FAR1: variants seen among roughly 807,000 people sequenced by gnomAD.
FAR1 encodes the protein male sterility domain-containing protein 2.
In FAR1, 22 loss-of-function variants were observed where a neutral mutation model predicts 61.1. The ratio of observed to expected loss-of-function variants is 0.36; its 90% confidence interval spans 0.26 to 0.51. FAR1 has a LOEUF of 0.51. Among genes scored for constraint, FAR1 ranks in the 20% least tolerant of loss-of-function variants. The probability of loss-of-function intolerance (pLI) is 0.95; values close to 1 mark genes in which losing one functional copy is unlikely to be tolerated. For missense variants in FAR1, 359 were observed against 626.9 expected (o/e 0.57, Z 4.56); for synonymous variants, 206 against 209.7 (o/e 0.98, Z 0.15).
chr11:13,684,855 C>T (rs1051242993), intron 1 of FAR1, among the ~76,000 whole-genome samples: 1 of 152,160 alleles, frequency 6.6e-6, no homozygotes, highest in Non-Finnish European at 1.5e-5. Flanking sequence ...TATTTTCAAA[C>T]TGAAGTGATC....
chr11:13,688,913 G>A (rs530811361), intron 1 of FAR1, among the ~76,000 whole-genome samples: 12 of 152,214 alleles, frequency 7.9e-5, no homozygotes, highest in Middle Eastern at 3.4e-3. Context: ...CTCTGTCTCA[G>A]CCTTCAAGAG....
intron 1 of FAR1, among the ~76,000 whole-genome samples, chr11:13,690,981 T>G (rs1430607719): frequency 6.6e-6 from 1 of 152,196 alleles, no homozygotes; most frequent in Non-Finnish European, 1.5e-5. Flanking sequence ...TGAGATGAGA[T>G]TCACATAATA....
chr11:13,723,786 GAC>G (rs2134201156), intron 10 of FAR1, among the ~76,000 whole-genome samples: 1 of 152,228 alleles, frequency 6.6e-6, no homozygotes, highest in South Asian at 2.1e-4. Flanking sequence ...AAGATTCTGT[GAC>G]AGTCTGCCAG....
At chr11:13,701,949 C>T (rs1220393240) in intron 3 of FAR1, among the ~76,000 whole-genome samples, 2 of 152,208 alleles carry the variant, frequency 1.3e-5, no homozygotes, top group East Asian at 1.9e-4. Context: ...AGTTATTAAC[C>T]GCCTTAAGCC....
chr11:13,672,383 C>A (rs1247671599), intron 1 of FAR1, among the ~76,000 whole-genome samples: 2 of 135,910 alleles, frequency 1.5e-5, no homozygotes, highest in Admixed American at 1.5e-4. Context: ...AACCCCTTTT[C>A]TATCCAAAAA....
intron 9 of FAR1, chr11:13,720,480 T>C (rs1368943638): frequency 1.3e-5 from 2 of 152,158 alleles, no homozygotes; most frequent in African/African-American, 4.8e-5. Flanking sequence ...TGCTTGATAA[T>C]TCGTTTTGTG....
At chr11:13,728,304 C>T (rs1245876489) in intron 11 of FAR1, among the ~76,000 whole-genome samples, 1 of 151,734 alleles carries the variant, frequency 6.6e-6, no homozygotes, top group Non-Finnish European at 1.5e-5. Context: ...GTGACTGTCA[C>T]CTGTAACTGA....
At chr11:13,695,104 A>C in intron 2 of FAR1, 150 bp downstream of exon 2, 1 of 610,862 alleles carries the variant, frequency 1.6e-6, no homozygotes, top group South Asian at 4.6e-5. Context: ...ACAGGATGGC[A>C]AGAAACTGGA....
chr11:13,694,519 A>G (rs1848288015), intron 1 of FAR1, among the ~76,000 whole-genome samples: 1 of 152,194 alleles, frequency 6.6e-6, no homozygotes, highest in Admixed American at 6.5e-5. Flanking sequence ...AGTCCAGAGA[A>G]CGTGAGTGAC....
chr11:13,709,260 A>T (rs986775462), intron 4 of FAR1, among the ~76,000 whole-genome samples: 1 of 152,204 alleles, frequency 6.6e-6, no homozygotes, highest in Non-Finnish European at 1.5e-5. Context: ...TGTAAAAAAA[A>T]TGAGAAATTA....
rs182442560 is a variant in FAR1, at chr11:13,720,374, A to G, written c.1128-1356A>G. 3.3e-5 allele frequency: 5 copies of G among 152,298 alleles called. No individual in the cohort carries two copies. The East Asian group carries it at 9.6e-4, about 29-fold the overall frequency. 9.4% of individuals were successfully genotyped at this position (152,298 alleles called of 1,614,324 possible). ...ACTTGTTGTATCTTTTTGTTTAGAA[A>G]AAAATAATCACCTAATCTTTTCTAA... On this transcript the variant is annotated intron_variant, in intron 9 of 11. Coordinates refer to ENST00000354817, the MANE Select transcript of FAR1 (RefSeq NM_032228.6).
chr11:13,719,508 T>C (rs1012346519), intron 9 of FAR1, among the ~76,000 whole-genome samples: 1 of 152,220 alleles, frequency 6.6e-6, no homozygotes, highest in African/African-American at 2.4e-5. Flanking sequence ...TCATCCAGTT[T>C]ACTTGTTTAC....
In FAR1 at chr11:13,713,039, AT is replaced by A; in HGVS notation, c.955+10del. ...TTTCCACTGGGGTGAAGTTGGTATG[AT>A]TTTACCTGTGTTTTTGAATGTTAGA... On this transcript the variant is annotated splice_region_variant and intron_variant, in intron 8 of 11. Coordinates refer to ENST00000354817, the MANE Select transcript of FAR1 (RefSeq NM_032228.6). 1 of 1,610,438 alleles carries A rather than the reference AT, an allele frequency of 6.2e-7. No individual in the cohort carries two copies. Among genetic ancestry groups the A allele is most frequent in the Non-Finnish European group, 8.5e-7 (1 of 1,176,852 alleles).
At chr11:13,672,302 CAAATTT>C (rs1848013923) in intron 1 of FAR1, among the ~76,000 whole-genome samples, 1 of 149,418 alleles carries the variant, frequency 6.7e-6, no homozygotes, top group Non-Finnish European at 1.5e-5. Flanking sequence ...TTAGTTTTTT[CAAATTT>C]AAAAAAATGA....
intron 4 of FAR1, among the ~76,000 whole-genome samples, chr11:13,709,745 A>G (rs994351333): frequency 1.3e-5 from 2 of 152,086 alleles, no homozygotes; most frequent in African/African-American, 2.4e-5. Context: ...TTCATATACA[A>G]AAAGTACTTC....
At chr11:13,707,500 C>T (rs933587084) in intron 3 of FAR1, among the ~76,000 whole-genome samples, 4 of 152,088 alleles carry the variant, frequency 2.6e-5, no homozygotes, top group Non-Finnish European at 4.4e-5. Flanking sequence ...TTTAAAATTA[C>T]TTAACCATTC....
At chr11:13,702,364 T>TA (rs1478068466) in intron 3 of FAR1, among the ~76,000 whole-genome samples, 1 of 152,152 alleles carries the variant, frequency 6.6e-6, no homozygotes, top group Non-Finnish European at 1.5e-5. Context: ...TAAAGGTGTA[T>TA]ACAAATGACT....
intron 4 of FAR1, among the ~76,000 whole-genome samples, chr11:13,709,611 T>C (rs1361686712): frequency 6.6e-6 from 1 of 152,078 alleles, no homozygotes; most frequent in African/African-American, 2.4e-5. Context: ...CTCCTGAGTT[T>C]AGGCAGGTTT....
At chr11:13,685,669 G>A (rs1177286787) in intron 1 of FAR1, 2 of 174,004 alleles carry the variant, frequency 1.1e-5, no homozygotes, top group Admixed American at 5.5e-5. Context: ...GAGAAGCCAA[G>A]TCGAGCACAC....
Sources: allele counts gnomAD v4.1 joint callset (sites outside exome capture counted in the v4.1 genomes callset), GRCh38; gene constraint gnomAD v4.1.1; transcripts MANE v1.5; gene names NCBI Gene and HGNC (gene_info 2026-07-23, HGNC 2026-07-21).